Variants in HFM1 observed in about 807,000 individuals in gnomAD.
The protein encoded by HFM1 is probable ATP-dependent DNA helicase HFM1.
Under a neutral mutation model 192.1 loss-of-function variants are expected in HFM1, and 169 were observed. The observed-to-expected ratio is 0.88, with a 90% CI of 0.78 to 1.00. The LOEUF (loss-of-function observed/expected upper bound fraction) is 1.00, where lower values mean the gene tolerates loss of function less well. Ranked by LOEUF, HFM1 falls within the 50% of genes least tolerant of loss-of-function variation. HFM1 has a pLI of 0.00. For missense variants in HFM1, 1,661 were observed against 1,668.0 expected, an observed-to-expected ratio of 1.00 and a Z score of 0.07; for synonymous variants, 525 against 537.8, an observed-to-expected ratio of 0.98 and a Z score of 0.33.
chr1:91,356,524 A>T (rs1657761966), intron 13 of HFM1, among the ~76,000 whole-genome samples: 1 of 152,124 alleles, frequency 6.6e-6, no homozygotes, highest in Non-Finnish European at 1.5e-5. Context: ...TACTAAATAG[A>T]CAGCCTAACA....
rs1279763713 is a variant in HFM1, at chr1:91,319,334, T to C, written c.2639A>G (p.Asp880Gly). 2.5e-6 allele frequency: 4 copies of C among 1,612,938 alleles called. No homozygotes were observed. Among genetic ancestry groups the C allele is most frequent in the East Asian group, 2.2e-5 (1 of 44,836 alleles). ...GCCATGTCTGAAAATCTTTGCGGTA[T>C]CTTGTGTCAAAGCAAAATCTTGTAT... Reference protein sequence around the residue: ...IPIQDFALTQDTAKIFRHGSR... With the variant: ...IPIQDFALTQGTAKIFRHGSR... Residue 880 changes from aspartate to glycine, a missense_variant, in exon 24 of 39, where the codon GAT becomes GGT. By Grantham distance (94) the Asp-to-Gly change is moderately conservative. Transcript: ENST00000370425.
At chr1:91,313,700 T>A (rs1252793358) in intron 29 of HFM1, among the ~76,000 whole-genome samples, 3 of 151,908 alleles carry the variant, frequency 2.0e-5, no homozygotes, top group African/African-American at 4.8e-5. Context: ...CTTCCAACAA[T>A]AACTGCAACT....
rs963856414 is a variant in HFM1, at chr1:91,261,417, TAC to T, written c.4239-60_4239-59del. 114 of 748,742 alleles carry T rather than the reference TAC, an allele frequency of 1.5e-4. No individual in the cohort carries two copies. In the Admixed American group the frequency reaches 1.7e-3, roughly 11 times the overall value. 46.4% of individuals were successfully genotyped at this position (748,742 alleles called of 1,614,324 possible). A position where few individuals can be genotyped will look rare whatever the true frequency, so the allele number is the denominator to read the frequency against. On this transcript the variant is annotated intron_variant, in intron 38 of 38. Coordinates refer to ENST00000370425, the MANE Select transcript of HFM1 (RefSeq NM_001017975.6). ...TTTTTTAACACAATTTATTTTAAAATACACAATAAATAATGTAATACTAAACA... is the reference window on the plus strand; with the variant it reads ...TTTTTTAACACAATTTATTTTAAAATACAATAAATAATGTAATACTAAACA...
intron 16 of HFM1, 47 bp downstream of exon 16, chr1:91,352,459 T>C (rs2101738317): frequency 1.4e-6 from 2 of 1,458,838 alleles, no homozygotes; most frequent in East Asian, 2.4e-5. Flanking sequence ...AATTTTTTTG[T>C]TTTTATCATG....
At chr1:91,281,169 C>T (rs958746120) in intron 30 of HFM1, among the ~76,000 whole-genome samples, 7 of 152,162 alleles carry the variant, frequency 4.6e-5, no homozygotes, top group African/African-American at 1.4e-4. Flanking sequence ...ATCATGGTAA[C>T]TCCAGAGTGG....
In HFM1 at chr1:91,276,992, T is replaced by C. The variant is rs750656550; in HGVS notation, c.3462A>G (p.Gly1154=). 6.3e-7 allele frequency: 1 copy of C among 1,588,018 alleles called. No individual in the cohort carries two copies. The highest frequency in any genetic ancestry group is 1.2e-5 in the South Asian group (1 of 85,680). The change falls in exon 31 of 39, where the codon GGA becomes GGG. Residue 1154 remains glycine (G), a synonymous_variant. Transcript: ENST00000370425. ...NHLCKSKHTC[G]HDCCKIGVAQ... ...TTTTAAGGAACTCACAGCAGTCATG[T>C]CCACATGTATGTTTACTTTTACAAA...
chr1:91,312,283 G>A (rs1396649702), intron 30 of HFM1, among the ~76,000 whole-genome samples: 1 of 152,054 alleles, frequency 6.6e-6, no homozygotes, highest in Non-Finnish European at 1.5e-5. Flanking sequence ...AGCTTGAACT[G>A]TGCACTTGGA....
Position 91,351,600 on chromosome 1 carries a change from GT to G in HFM1, c.2020del (p.Thr674GlnfsTer9). ...TAACATCTGAATGTACTTGTCCCTT[GT>G]GCTTAATCGAGTCATGATAACTGCA... ...ATAVIMTRLS[T>X]RDKYIQMLAC... On this transcript the variant is annotated frameshift_variant, in exon 17 of 39. Coordinates refer to ENST00000370425, the MANE Select transcript of HFM1 (RefSeq NM_001017975.6). LOFTEE classifies it high-confidence loss of function. 1 of 1,603,014 alleles carries G rather than the reference GT, an allele frequency of 6.2e-7. No homozygotes were observed. The highest frequency in any genetic ancestry group is 1.1e-5 in the South Asian group (1 of 89,630).
intron 13 of HFM1, 53 bp from the exon 14 acceptor site, chr1:91,353,352 C>T: frequency 9.8e-7 from 1 of 1,017,666 alleles, no homozygotes. Flanking sequence ...CATTAGAGAA[C>T]TCTGAAACAG....
intron 33 of HFM1, 40 bp downstream of exon 33, chr1:91,274,690 G>A (rs1182831284): frequency 2.0e-6 from 2 of 1,019,004 alleles, no homozygotes; most frequent in Non-Finnish European, 3.0e-6. Context: ...CAGAGTTTAC[G>A]ATAAATATTT....
intron 30 of HFM1, among the ~76,000 whole-genome samples, chr1:91,293,617 C>T (rs61798881): frequency 9.3e-5 from 14 of 150,960 alleles, no homozygotes; most frequent in Non-Finnish European, 1.5e-4. Context: ...TAAACTAGTT[C>T]AACCATTGTG....
intron 4 of HFM1, among the ~76,000 whole-genome samples, chr1:91,387,045 T>A (rs1454118462): frequency 6.6e-6 from 1 of 152,198 alleles, no homozygotes; most frequent in African/African-American, 2.4e-5. Flanking sequence ...CAAAAGACAA[T>A]CTATCGAAGT....
chr1:91,284,881 T>C (rs1319651362), intron 30 of HFM1, among the ~76,000 whole-genome samples: 3 of 152,198 alleles, frequency 2.0e-5, no homozygotes, highest in Admixed American at 6.5e-5. Context: ...AAGTTTGATA[T>C]GGTTTGGCTG....
chr1:91,366,424 A>G lies in HFM1; in HGVS notation c.1685+8934T>C, dbSNP rs569215447. ...ATCCCCACATCTTGTTTCTGACAAA[A>G]AGTGATATGAACCAACTTGATCATC... On this transcript the variant is annotated intron_variant, in intron 13 of 38. Coordinates refer to ENST00000370425, the MANE Select transcript of HFM1 (RefSeq NM_001017975.6). Among the ~76,000 whole-genome samples, 4 of 152,322 alleles carry G rather than the reference A, an allele frequency of 2.6e-5. No individual in the cohort carries two copies. In the East Asian group the frequency reaches 7.7e-4, roughly 29 times the overall value.
chr1:91,276,911 G>T, intron 31 of HFM1, 71 bp downstream of exon 31: 2 of 906,308 alleles, frequency 2.2e-6, no homozygotes, highest in Non-Finnish European at 1.7e-6. Flanking sequence ...ACATAATTAG[G>T]ATGTCATTAC....
chr1:91,398,398 CT>C (rs1663924489), intron 2 of HFM1, among the ~76,000 whole-genome samples: 1 of 152,080 alleles, frequency 6.6e-6, no homozygotes, highest in African/African-American at 2.4e-5. Flanking sequence ...TTATCATTTC[CT>C]TTGTGTTTCC....
At position 91,264,361 on chromosome 1, in the gene HFM1, A is replaced by ATTTTTTTTTTTTTTTTTTT. The variant is rs71087940; in HGVS notation, c.3974+1637_3974+1655dup. 8.8e-3 allele frequency among the ~76,000 whole-genome samples: 504 copies of ATTTTTTTTTTTTTTTTTTT among 57,084 alleles called. 100 individuals carry two copies. Among genetic ancestry groups the ATTTTTTTTTTTTTTTTTTT allele is most frequent in the Non-Finnish European group, 0.011 (367 of 32,974 alleles). 37.4% of individuals were successfully genotyped at this position (57,084 alleles called of 152,430 possible). A position where few individuals can be genotyped will look rare whatever the true frequency, so the allele number is the denominator to read the frequency against. On this transcript the variant is annotated intron_variant, in intron 36 of 38. Coordinates refer to ENST00000370425, the MANE Select transcript of HFM1 (RefSeq NM_001017975.6). ...TTCCAAGGGATACCACAAATTTAGT[A>ATTTTTTTTTTTTTTTTTTT]TTTTTTTTTTTTTTTTTTTTTTTTT...
chr1:91,324,684 T>G lies in HFM1; in HGVS notation c.2418A>C (p.Leu806Phe). 2.8e-6 allele frequency: 4 copies of G among 1,413,916 alleles called. No homozygotes were observed. Among genetic ancestry groups the G allele is most frequent in the Non-Finnish European group, 4.0e-6 (4 of 999,054 alleles). 87.6% of individuals were successfully genotyped at this position (1,413,916 alleles called of 1,614,324 possible). A position where few individuals can be genotyped will look rare whatever the true frequency, so the allele number is the denominator to read the frequency against. ...KFYTISGKET[L>F]SDLVTLIAGC... is the part of the protein sequence containing the mutation. Reference sequence around the variant, plus strand: ...GTGAAAATTAATTTACCAGATCTGATAAGGTTTCTTTTCCACTGATTGTAT... The same window carrying G: ...GTGAAAATTAATTTACCAGATCTGAGAAGGTTTCTTTTCCACTGATTGTAT... The change falls in exon 21 of 39, where the codon TTA (leucine) becomes TTC (phenylalanine). Residue 806 changes from leucine (L) to phenylalanine (F), a missense_variant. Coordinates refer to ENST00000370425, the MANE Select transcript of HFM1 (RefSeq NM_001017975.6).
At chr1:91,406,413 C>A (rs1247885639), upstream of HFM1, among the ~76,000 whole-genome samples, 1 of 152,202 alleles carries the variant, frequency 6.6e-6, no homozygotes. Flanking sequence ...CAAAAACATT[C>A]ATTCATTCAC....
Sources: gnomAD v4.1 joint callset for allele counts (sites outside exome capture counted in the v4.1 genomes callset) on GRCh38, gnomAD v4.1.1 for gene constraint, MANE v1.5 for transcripts, NCBI Gene and HGNC (gene_info 2026-07-23, HGNC 2026-07-21) for gene names.